Variants in GRID2 observed in about 807,000 individuals in gnomAD.
GRID2 encodes glutamate receptor ionotropic, delta-2.
A neutral mutation model predicts 114.8 loss-of-function variants in GRID2; 33 were observed. The ratio of observed to expected loss-of-function variants is 0.29; its 90% CI spans 0.22 to 0.38. GRID2 has a LOEUF of 0.38. GRID2 is among the 10% of genes least tolerant of loss of function. The probability of loss-of-function intolerance (pLI) is 1.00; values close to 1 mark genes in which losing one functional copy is unlikely to be tolerated. For missense variants in GRID2, 1,184 were observed against 1,257.7 expected (o/e 0.94, Z 0.89); for synonymous variants, 505 against 449.9 (o/e 1.12, Z -1.55).
intron 1 of GRID2, among the ~76,000 whole-genome samples, chr4:92,401,467 T>C (rs1026457988): frequency 1.2e-4 from 18 of 152,158 alleles, no homozygotes; most frequent in African/African-American, 4.1e-4. Flanking sequence ...CAGTCATACA[T>C]CAGAGATATC....
chr4:92,820,403 A>C (rs1741202206), intron 2 of GRID2, among the ~76,000 whole-genome samples: 2 of 152,170 alleles, frequency 1.3e-5, no homozygotes, highest in Admixed American at 6.6e-5. Flanking sequence ...AGAAACAGTT[A>C]AGATAGCAGA....
intron 4 of GRID2, among the ~76,000 whole-genome samples, chr4:93,125,616 GT>G (rs1314010248): frequency 1.3e-5 from 2 of 152,040 alleles, no homozygotes; most frequent in African/African-American, 4.8e-5. Flanking sequence ...AAAATTTATT[GT>G]GTAGAAATTA....
At chr4:93,155,419 C>T (rs1737087091) in intron 4 of GRID2, among the ~76,000 whole-genome samples, 3 of 151,884 alleles carry the variant, frequency 2.0e-5, no homozygotes, top group Non-Finnish European at 4.4e-5. Context: ...CTAAGGTCAC[C>T]ATTTTAGGAA....
intron 2 of GRID2, among the ~76,000 whole-genome samples, chr4:92,893,553 G>C (rs1292733707): frequency 6.6e-6 from 1 of 152,176 alleles, no homozygotes; most frequent in Non-Finnish European, 1.5e-5. Context: ...GATCCCAAAA[G>C]TATGCTTCTA....
intron 11 of GRID2, among the ~76,000 whole-genome samples, chr4:93,458,396 G>C (rs1033695878): frequency 6.6e-6 from 1 of 152,158 alleles, no homozygotes; most frequent in African/African-American, 2.4e-5. Flanking sequence ...CACATGTCTG[G>C]TGGTTGATGC....
intron 13 of GRID2, among the ~76,000 whole-genome samples, chr4:93,547,742 G>A (rs1313444614): frequency 3.3e-5 from 5 of 152,158 alleles, no homozygotes; most frequent in Non-Finnish European, 5.9e-5. Context: ...AACCCATGCA[G>A]TTTGACCTCT....
intron 2 of GRID2, among the ~76,000 whole-genome samples, chr4:92,870,831 G>T (rs1745220920): frequency 6.6e-6 from 1 of 152,058 alleles, no homozygotes; most frequent in Non-Finnish European, 1.5e-5. Flanking sequence ...TGGCAAAGGT[G>T]TGTGTGTGTA....
intron 8 of GRID2, among the ~76,000 whole-genome samples, chr4:93,301,097 GTATAAAACAA>G (rs576743191): frequency 9.9e-5 from 15 of 152,280 alleles, no homozygotes; most frequent in South Asian, 6.2e-4. Flanking sequence ...CAGGTACTGA[GTATAAAACAA>G]TATAAAACAA....
intron 14 of GRID2, among the ~76,000 whole-genome samples, chr4:93,683,519 T>A (rs1725792255): frequency 6.6e-6 from 1 of 152,094 alleles, no homozygotes; most frequent in Admixed American, 6.6e-5. Flanking sequence ...GTTCTGGTAT[T>A]TGCTTAAGAG....
intron 4 of GRID2, among the ~76,000 whole-genome samples, chr4:93,169,143 T>TACACAC (rs33953002): frequency 0.013 from 1,801 of 138,158 alleles, 11 homozygotes; most frequent in Middle Eastern, 0.027. Flanking sequence ...CACAATGAAA[T>TACACAC]ACACACACAC....
At chr4:92,850,936 G>T (rs891002382) in intron 2 of GRID2, among the ~76,000 whole-genome samples, 1 of 151,900 alleles carries the variant, frequency 6.6e-6, no homozygotes, top group East Asian at 1.9e-4. Flanking sequence ...CAATAGGAAG[G>T]CATTAAAATC....
intron 2 of GRID2, among the ~76,000 whole-genome samples, chr4:92,917,540 A>C (rs886655315): frequency 2.8e-4 from 43 of 152,298 alleles, no homozygotes; most frequent in African/African-American, 9.6e-4. Context: ...TTTTTGTATA[A>C]GATGTAAGGA....
chr4:93,293,464 A>C (rs1753959414), intron 8 of GRID2, among the ~76,000 whole-genome samples: 1 of 152,218 alleles, frequency 6.6e-6, no homozygotes, highest in African/African-American at 2.4e-5. Context: ...TTTAGTCTTG[A>C]ATATCTAACT....
intron 2 of GRID2, among the ~76,000 whole-genome samples, chr4:93,070,874 G>C (rs1158553331): frequency 6.6e-6 from 1 of 151,984 alleles, no homozygotes; most frequent in East Asian, 1.9e-4. Context: ...AGCTTTTGTG[G>C]AGTATGCTAG....
intron 2 of GRID2, among the ~76,000 whole-genome samples, chr4:92,676,568 C>G (rs6812161): frequency 6.6e-6 from 1 of 151,822 alleles, no homozygotes; most frequent in African/African-American, 2.4e-5. Context: ...TTGAAGTTCA[C>G]TGTTGATTCA....
At chr4:92,318,423 G>A (rs969328951) in intron 1 of GRID2, among the ~76,000 whole-genome samples, 5 of 147,668 alleles carry the variant, frequency 3.4e-5, no homozygotes, top group African/African-American at 1.0e-4. Flanking sequence ...TTTTCTTTTA[G>A]GCCCCTCCAT....
chr4:92,959,011 A>G (rs2149149064), intron 2 of GRID2, among the ~76,000 whole-genome samples: 1 of 140,234 alleles, frequency 7.1e-6, no homozygotes, highest in East Asian at 2.2e-4. Flanking sequence ...ATCTGTAGTG[A>G]TGTGTCTTCT....
At chr4:92,786,618 A>G (rs561835042) in intron 2 of GRID2, among the ~76,000 whole-genome samples, 1 of 152,046 alleles carries the variant, frequency 6.6e-6, no homozygotes, top group East Asian at 1.9e-4. Context: ...ATCAAAATAT[A>G]AATGTGAATA....
At chr4:93,559,545 G>A (rs532053269) in intron 13 of GRID2, among the ~76,000 whole-genome samples, 2 of 152,188 alleles carry the variant, frequency 1.3e-5, no homozygotes, top group Non-Finnish European at 2.9e-5. Context: ...TCTCATGCTA[G>A]TTAGAATGGC....
Sources: allele counts gnomAD v4.1 joint callset (sites outside exome capture counted in the v4.1 genomes callset), GRCh38; gene constraint gnomAD v4.1.1; transcripts MANE v1.5; gene names NCBI Gene and HGNC (gene_info 2026-07-23, HGNC 2026-07-21).